The following HERC1 variants were observed in gnomAD, a reference collection of about 807,000 sequenced individuals.
The protein encoded by HERC1 is probable E3 ubiquitin-protein ligase HERC1.
HERC1 carries 160 observed loss-of-function variants against 554.3 expected under a neutral mutation model. The ratio of observed to expected loss-of-function variants is 0.29; its 90% confidence interval spans 0.25 to 0.33. The LOEUF (loss-of-function observed/expected upper bound fraction) is 0.33. HERC1 is among the 10% of genes least tolerant of loss of function. The pLI, the probability that HERC1 is intolerant of heterozygous loss-of-function variation, is 1.00. For missense variants in HERC1, 4,919 were observed against 5,918.5 expected, an observed-to-expected ratio of 0.83 and a Z score of 5.54; for synonymous variants, 2,175 against 2,131.7, an observed-to-expected ratio of 1.02 and a Z score of -0.56.
At chr15:63,695,075 A>G (rs1046235489) in intron 27 of HERC1, among the ~76,000 whole-genome samples, 181 bp from the exon 28 acceptor site, 1 of 152,030 alleles carries the variant, frequency 6.6e-6, no homozygotes, top group African/African-American at 2.4e-5. Flanking sequence ...TTGCTGTATC[A>G]CCCATGCTGG....
At chr15:63,747,211 G>C in intron 11 of HERC1, 128 bp from the exon 12 acceptor site, 1 of 746,924 alleles carries the variant, frequency 1.3e-6, no homozygotes, top group South Asian at 1.9e-5. Flanking sequence ...TGTAATCCCA[G>C]CACTTTGGGA....
chr15:63,795,665 G>A (rs1474587697), intron 1 of HERC1, among the ~76,000 whole-genome samples: 2 of 152,112 alleles, frequency 1.3e-5, no homozygotes, highest in Admixed American at 6.6e-5. Flanking sequence ...ACTCAGCAAG[G>A]CCATTTTTAT....
intron 74 of HERC1, among the ~76,000 whole-genome samples, chr15:63,616,979 G>A (rs982462225): frequency 1.3e-5 from 2 of 151,756 alleles, no homozygotes; most frequent in African/African-American, 2.4e-5. Flanking sequence ...ACCTGCTCCA[G>A]AATGCCTTGT....
Position 63,754,587 on chromosome 15 carries a change from T to C in HERC1, c.1692A>G (p.Gly564=). The C allele has an allele frequency of 6.2e-7, 1 of 1,613,540 alleles. No homozygotes were observed. The highest frequency in any genetic ancestry group is 8.5e-7 in the Non-Finnish European group (1 of 1,179,574). The change falls in exon 7 of 78, where the codon GGA becomes GGG. Residue 564 remains glycine (G), a synonymous_variant. Coordinates refer to ENST00000443617, the MANE Select transcript of HERC1 (RefSeq NM_003922.4). Reference sequence around the variant, plus strand: ...TATGTGAACTGCCACAAGAAACCTCTCCTACATTGCTGATGTCTTTTACTA... The same window carrying C: ...TATGTGAACTGCCACAAGAAACCTCCCCTACATTGCTGATGTCTTTTACTA... ...PTLVKDISNV[G]EVSCGSSHTI... is the part of the protein sequence containing the mutation.
intron 1 of HERC1, among the ~76,000 whole-genome samples, chr15:63,806,057 T>C (rs1227626860): frequency 6.6e-6 from 1 of 152,114 alleles, no homozygotes; most frequent in African/African-American, 2.4e-5. Flanking sequence ...TCAGTATATA[T>C]TTTTTCTTAA....
At chr15:63,802,083 A>G (rs1315252001) in intron 1 of HERC1, among the ~76,000 whole-genome samples, 1 of 152,206 alleles carries the variant, frequency 6.6e-6, no homozygotes, top group Non-Finnish European at 1.5e-5. Flanking sequence ...GCATTTCTGA[A>G]AGTGCAGGAG....
rs1266764841 is a variant in HERC1 at position 63,684,006 on chromosome 15, T to A, written c.6225+2353A>T. Among the ~76,000 whole-genome samples, 49 of 152,236 alleles carry A rather than the reference T, an allele frequency of 3.2e-4. 1 individual carries two copies. Among genetic ancestry groups the A allele is most frequent in the Admixed American group, 3.2e-3 (49 of 15,282 alleles). On this transcript the variant is annotated intron_variant, in intron 34 of 77. Coordinates refer to ENST00000443617, the MANE Select transcript of HERC1 (RefSeq NM_003922.4). Reference sequence around the variant, plus strand: ...AACAAAACTCAAAATCTGGGACTGTTGTGGATTTGGAACACTCCCCCTCTG... The same window carrying A: ...AACAAAACTCAAAATCTGGGACTGTAGTGGATTTGGAACACTCCCCCTCTG...
intron 19 of HERC1, among the ~76,000 whole-genome samples, chr15:63,722,838 G>T (rs2073878447): frequency 6.6e-6 from 1 of 152,088 alleles, no homozygotes; most frequent in Non-Finnish European, 1.5e-5. Context: ...ATGTATATAA[G>T]GTACGGTACT....
chr15:63,790,781 T>C (rs1461549888), intron 1 of HERC1, among the ~76,000 whole-genome samples: 3 of 150,898 alleles, frequency 2.0e-5, no homozygotes, highest in African/African-American at 7.3e-5. Context: ...GGGTTTTCTT[T>C]TTTTTTTTTT....
Position 63,723,262 on chromosome 15 carries a change from T to C in HERC1, c.3662A>G (p.Tyr1221Cys), listed in dbSNP as rs780900182. 7.5e-6 allele frequency: 12 copies of C among 1,599,492 alleles called. No individual in the cohort carries two copies. The Middle Eastern group carries it at 5.0e-4, about 66-fold the overall frequency. ...DYKLRPEIAV[Y>C]VDLALGCSKE... is the part of the protein sequence containing the mutation. ...AGAACAACCCAATGCCAAGTCTACA[T>C]AGACAGCAATTTCAGGCCGCAATTT... The change falls in exon 19 of 78, where the codon TAT (tyrosine) becomes TGT (cysteine). Residue 1221 changes from tyrosine (Y) to cysteine (C), a missense_variant. Coordinates refer to ENST00000443617, the MANE Select transcript of HERC1 (RefSeq NM_003922.4).
Position 63,633,836 on chromosome 15 carries a change from G to A in HERC1, c.12693+12C>T. 1 of 1,611,596 alleles carries A rather than the reference G, an allele frequency of 6.2e-7. No individual in the cohort carries two copies. The highest frequency in any genetic ancestry group is 8.5e-7 in the Non-Finnish European group (1 of 1,178,688). On this transcript the variant is annotated intron_variant, in intron 67 of 77. Transcript: ENST00000443617. ...ATGTTGTCTGAAAACCTAGACTCAA[G>A]GCAGTACTGACCTGAGGTGAAGATT... is the stretch of plus-strand genomic sequence containing the variant.
At position 63,638,419 on chromosome 15, in the gene HERC1, C is replaced by T. The variant is rs1363975028; in HGVS notation, c.12085G>A (p.Ala4029Thr). ...TTTATCCTGTTAGTTACCTGTTGGGCCTGTGAGAATGAGGGAGCTGCTGCA... is the reference window on the plus strand; with the variant it reads ...TTTATCCTGTTAGTTACCTGTTGGGTCTGTGAGAATGAGGGAGCTGCTGCA... The part of the protein sequence containing the change: ...VPAAAPSFSQ[A>T]QQVICGQNCT... The change falls in exon 63 of 78, where the codon GCC becomes ACC. Residue 4029 changes from alanine (A) to threonine (T), a missense_variant. Ala to Thr is a moderately conservative substitution (Grantham distance 58). Coordinates refer to ENST00000443617, the MANE Select transcript of HERC1 (RefSeq NM_003922.4). 3 of 1,613,590 alleles carry T rather than the reference C, an allele frequency of 1.9e-6. No individual in the cohort carries two copies. In the Admixed American group the frequency reaches 5.0e-5, roughly 27 times the overall value.
rs2075364107 is a variant in HERC1, at chr15:63,754,748, ATTGAGAT to A, written c.1631-107_1631-101del. The A allele has an allele frequency of 1.2e-5, 15 of 1,217,006 alleles. 1 individual carries two copies. In the South Asian group the frequency reaches 2.5e-4, roughly 20 times the overall value. The allele number at this position is 1,217,006 out of a possible 1,614,324, so 75.4% of individuals were successfully genotyped here. On this transcript the variant is annotated intron_variant, in intron 6 of 77. Coordinates refer to ENST00000443617, the MANE Select transcript of HERC1 (RefSeq NM_003922.4). ...ATAAATGTTACAACTTTAAAATAGA[ATTGAGAT>A]TTTTTTAATGCAATGCAATATGAAA...
Position 63,694,422 on chromosome 15 carries a change from G to A in HERC1, c.5370C>T (p.Thr1790=). 4 of 1,613,962 alleles carry A rather than the reference G, an allele frequency of 2.5e-6. No individual in the cohort carries two copies. The highest frequency in any genetic ancestry group is 3.4e-6 in the Non-Finnish European group (4 of 1,179,884). ...NVLSQLCGTD[T]MLGQPLQLLP... is the part of the protein sequence containing the mutation. The stretch of plus-strand genomic sequence containing the variant: ...ACAACTGCAGGGGCTGTCCTAGCAT[G>A]GTGTCTGTACCACACAACTGTGACA... Residue 1790 remains threonine (T), a synonymous_variant, in exon 29 of 78, where the codon ACC becomes ACT. Transcript: ENST00000443617. This position sits in a 1 kb window ranked among gnomAD's most constrained non-coding sequence, Gnocchi z 4.3.
intron 8 of HERC1, among the ~76,000 whole-genome samples, chr15:63,750,301 G>A (rs986498999): frequency 3.9e-5 from 6 of 152,140 alleles, no homozygotes; most frequent in Admixed American, 6.5e-5. Context: ...ATGTGAAGCA[G>A]TAACAAGGTA....
At chr15:63,792,734 A>G (rs2076689029) in intron 1 of HERC1, among the ~76,000 whole-genome samples, 1 of 152,168 alleles carries the variant, frequency 6.6e-6, no homozygotes, top group South Asian at 2.1e-4. Flanking sequence ...CAAGCAAGCA[A>G]TCTTGCAGCA....
At chr15:63,827,009 C>T (rs1423072031) in intron 1 of HERC1, among the ~76,000 whole-genome samples, 3 of 151,622 alleles carry the variant, frequency 2.0e-5, no homozygotes, top group Admixed American at 6.6e-5. Context: ...CTTGAAGATA[C>T]GGTTCTAACG....
At chr15:63,655,175 G>A (rs1051886741) in intron 50 of HERC1, among the ~76,000 whole-genome samples, 2 of 151,900 alleles carry the variant, frequency 1.3e-5, no homozygotes, top group Admixed American at 6.6e-5. Context: ...CCAACATGGC[G>A]AAACCCCATC....
rs763415833 is a variant in HERC1, at chr15:63,680,193, G to A, written c.6466-33C>T. ...GTGGCAGCAGTGAGGAAAAGAAAAA[G>A]GAAATAGAAATTTTTTTAATTCACA... On this transcript the variant is annotated intron_variant, in intron 35 of 77. Transcript: ENST00000443617. This position sits in a 1 kb window ranked among gnomAD's most constrained non-coding sequence, Gnocchi z 5.8. The A allele has an allele frequency of 4.8e-5, 74 of 1,547,198 alleles. No individual in the cohort carries two copies. The South Asian group carries it at 8.1e-4, about 17-fold the overall frequency.
Sources: allele counts gnomAD v4.1 joint callset (sites outside exome capture counted in the v4.1 genomes callset), GRCh38; gene constraint gnomAD v4.1.1; non-coding constraint Gnocchi (gnomAD v3.1); transcripts MANE v1.5; gene names NCBI Gene and HGNC (gene_info 2026-07-23, HGNC 2026-07-21).